The following CEP78 variants were observed in gnomAD, a reference collection of about 807,000 sequenced individuals.
CEP78 encodes the protein centrosomal protein of 78 kDa.
Under a neutral mutation model 81.2 loss-of-function variants are expected in CEP78, and 76 were observed. The ratio of observed to expected loss-of-function variants is 0.94; its 90% CI spans 0.78 to 1.13. The LOEUF (loss-of-function observed/expected upper bound fraction) is 1.13, where lower values mean the gene tolerates loss of function less well. CEP78 is among the 50% of genes most tolerant of loss of function. The pLI is 0.00. For synonymous variants in CEP78, 293 were observed against 301.4 expected, an observed-to-expected ratio of 0.97 and a Z score of 0.29; for missense variants, 918 against 846.8, an observed-to-expected ratio of 1.08 and a Z score of -1.04.
At chr9:78,244,452 T>G (rs1826387691) in intron 5 of CEP78, among the ~76,000 whole-genome samples, 2 of 152,212 alleles carry the variant, frequency 1.3e-5, no homozygotes, top group African/African-American at 4.8e-5. Flanking sequence ...TAGGATAAAT[T>G]ACTAAAGTTG....
chr9:78,262,343 A>G (rs79635520), intron 11 of CEP78, among the ~76,000 whole-genome samples: 13,940 of 151,798 alleles, frequency 0.092, 725 homozygotes, highest in African/African-American at 0.13. Flanking sequence ...AATTGGTAGT[A>G]TTTACTAAAG....
At chr9:78,242,399 A>T (rs1050058120) in intron 4 of CEP78, among the ~76,000 whole-genome samples, 3 of 152,154 alleles carry the variant, frequency 2.0e-5, no homozygotes, top group African/African-American at 7.2e-5. Flanking sequence ...ACTCATGTGG[A>T]TTCTGAAGCC....
chr9:78,246,879 C>T (rs1826517498), intron 6 of CEP78, 97 bp downstream of exon 6: 1 of 615,976 alleles, frequency 1.6e-6, no homozygotes, highest in Non-Finnish European at 2.8e-6. Context: ...TGTTTCCTTC[C>T]CTAATCTTAC....
rs1019445252 is a variant in CEP78 at position 78,271,182 on chromosome 9, A to G, written c.*331A>G. ...ATGATGACCTGCCACTTCCGTTTAT[A>G]ATCACCATATAAGTGCCTGTAATCA... On this transcript the variant is annotated 3_prime_UTR_variant, in exon 17 of 17. Coordinates refer to ENST00000643273, the MANE Select transcript of CEP78 (RefSeq NM_001330691.3). The G allele has an allele frequency of 9.8e-6, 2 of 204,068 alleles. No homozygotes were observed. The highest frequency in any genetic ancestry group is 4.6e-5 in the African/African-American group (2 of 43,434). The allele number at this position is 204,068 out of a possible 1,614,324, so 12.6% of individuals were successfully genotyped here.
At chr9:78,253,336 A>G in intron 10 of CEP78, 59 bp downstream of exon 10, 2 of 801,610 alleles carry the variant, frequency 2.5e-6, no homozygotes, top group East Asian at 2.6e-5. Flanking sequence ...GTGGAAGATC[A>G]TTCTCTGTGC....
At chr9:78,260,575 C>T (rs1450793524) in intron 11 of CEP78, among the ~76,000 whole-genome samples, 3 of 151,810 alleles carry the variant, frequency 2.0e-5, no homozygotes, top group Non-Finnish European at 2.9e-5. Flanking sequence ...TGCGTGGTGG[C>T]GGACACCTGT....
At chr9:78,244,741 T>TG (rs1285783819) in intron 5 of CEP78, among the ~76,000 whole-genome samples, 2 of 152,218 alleles carry the variant, frequency 1.3e-5, no homozygotes, top group Non-Finnish European at 2.9e-5. Flanking sequence ...GGTTCCATTA[T>TG]GTTAATATGC....
intron 1 of CEP78, among the ~76,000 whole-genome samples, chr9:78,238,222 A>G (rs1826055944): frequency 6.6e-6 from 1 of 152,136 alleles, no homozygotes. Flanking sequence ...TATGGGTGAC[A>G]GTTTACAGCA....
chr9:78,236,126 G>A lies in CEP78; in HGVS notation c.-225G>A, dbSNP rs141460105. On this transcript the variant is annotated 5_prime_UTR_variant, in exon 1 of 17. The change creates a premature stop within an existing upstream ORF in the 5' untranslated region. Transcript: ENST00000643273. ...CTATGAGGCGGGCGCCAACTGCTTGGGCCGCAGGGCGGGAGGCAGCGCGGG... is the reference window on the plus strand; with the variant it reads ...CTATGAGGCGGGCGCCAACTGCTTGAGCCGCAGGGCGGGAGGCAGCGCGGG... 252 of 541,874 alleles carry A rather than the reference G, an allele frequency of 4.7e-4. No individual in the cohort carries two copies. Among genetic ancestry groups the A allele is most frequent in the African/African-American group, 4.0e-3 (198 of 49,076 alleles). The allele number at this position is 541,874 out of a possible 1,614,324, so 33.6% of individuals were successfully genotyped here.
At chr9:78,247,871 A>C (rs760688972) in intron 6 of CEP78, among the ~76,000 whole-genome samples, 2 of 152,188 alleles carry the variant, frequency 1.3e-5, no homozygotes, top group Non-Finnish European at 2.9e-5. Flanking sequence ...TTTGCATACA[A>C]CTGGGTGGTA....
chr9:78,239,508 A>G (rs1826117013), intron 1 of CEP78, among the ~76,000 whole-genome samples: 1 of 152,182 alleles, frequency 6.6e-6, no homozygotes, highest in African/African-American at 2.4e-5. Flanking sequence ...ATACTCCAAC[A>G]GTGAGGCACA....
chr9:78,262,970 A>T lies in CEP78; in HGVS notation c.1444A>T (p.Lys482Ter). 6.5e-7 allele frequency: 1 copy of T among 1,542,090 alleles called. No individual in the cohort carries two copies. Among genetic ancestry groups the T allele is most frequent in the East Asian group, 2.5e-5 (1 of 40,718 alleles). ...AAGAGTGATAAGGCTTAAGGTTGAT[A>T]AACGAGTCAGTGAGGTAAATAAAAG... ...EERVIRLKVD[K>*]RVSELEHENA... is the part of the protein sequence containing the mutation. The change falls in exon 12 of 17, where the codon AAA becomes TAA. Residue 482 changes from lysine (K) to a stop codon, truncating the protein, a stop_gained. Transcript: ENST00000643273. LOFTEE classifies it high-confidence loss of function.
intron 1 of CEP78, among the ~76,000 whole-genome samples, chr9:78,239,584 G>A (rs1286042233): frequency 2.6e-5 from 4 of 152,122 alleles, no homozygotes; most frequent in Admixed American, 6.6e-5. Flanking sequence ...TCACCTGTGA[G>A]GTAAAAGTGA....
chr9:78,257,342 C>G (rs1339370427), intron 11 of CEP78, among the ~76,000 whole-genome samples: 1 of 152,184 alleles, frequency 6.6e-6, no homozygotes, highest in Admixed American at 6.5e-5. Flanking sequence ...TCCCATCCAG[C>G]CAAACTGTCA....
chr9:78,243,882 C>T (rs1826354679), intron 5 of CEP78, among the ~76,000 whole-genome samples: 1 of 150,366 alleles, frequency 6.7e-6, no homozygotes, highest in Non-Finnish European at 1.5e-5. Flanking sequence ...TTGGTGTATA[C>T]ACTTTCAGTA....
At position 78,239,876 on chromosome 9, in the gene CEP78, A is replaced by G. The variant is rs376899112; in HGVS notation, c.254-147A>G. ...AACCTCTATGTACATAGTTTGGTATATCCCATGTGGCTTGAGTTTACATGT... is the reference window on the plus strand; with the variant it reads ...AACCTCTATGTACATAGTTTGGTATGTCCCATGTGGCTTGAGTTTACATGT... On this transcript the variant is annotated intron_variant, in intron 1 of 16. Coordinates refer to ENST00000643273, the MANE Select transcript of CEP78 (RefSeq NM_001330691.3). 4.7e-5 allele frequency: 29 copies of G among 611,306 alleles called. No individual in the cohort carries two copies. The African/African-American group carries it at 5.0e-4, about 10-fold the overall frequency. The allele number at this position is 611,306 out of a possible 1,614,324, so 37.9% of individuals were successfully genotyped here.
At chr9:78,253,562 C>T (rs533511920) in intron 10 of CEP78, 8 of 329,756 alleles carry the variant, frequency 2.4e-5, no homozygotes, top group South Asian at 1.9e-4. Context: ...ATTTCTCACC[C>T]GACACATGGA....
At position 78,273,367 on chromosome 9, in the gene CEP78, G is replaced by A. The variant is rs892905576; in HGVS notation, c.*2516G>A. ...ACCCAAGGTGAAAATTGGTAAAGGG[G>A]ACAAAAGCTTCTTTTGGCTGATAAG... is the stretch of plus-strand genomic sequence containing the variant. On this transcript the variant is annotated 3_prime_UTR_variant, in exon 17 of 17. Transcript: ENST00000643273. 3 of 152,196 alleles carry A rather than the reference G, an allele frequency of 2.0e-5. No individual in the cohort carries two copies. Among genetic ancestry groups the A allele is most frequent in the African/African-American group, 7.2e-5 (3 of 41,452 alleles). 9.4% of individuals were successfully genotyped at this position (152,196 alleles called of 1,614,324 possible). A position where few individuals can be genotyped will look rare whatever the true frequency, so the allele number is the denominator to read the frequency against.
At chr9:78,260,049 A>AT in intron 11 of CEP78, among the ~76,000 whole-genome samples, 1 of 152,354 alleles carries the variant, frequency 6.6e-6, no homozygotes, top group South Asian at 2.1e-4. Flanking sequence ...AATAAAATAT[A>AT]CTTCCTTCTC....
Sources: gnomAD v4.1 joint callset for allele counts (sites outside exome capture counted in the v4.1 genomes callset) on GRCh38, gnomAD v4.1.1 for gene constraint, MANE v1.5 for transcripts, NCBI Gene and HGNC (gene_info 2026-07-23, HGNC 2026-07-21) for gene names.